The following NAV2 variants were observed in gnomAD, a reference collection of about 807,000 sequenced individuals.
The protein encoded by NAV2 is helicase, APC down-regulated 1.
Under a neutral mutation model 223.2 loss-of-function variants are expected in NAV2, and 54 were observed. The observed-to-expected ratio is 0.24, with a 90% CI of 0.19 to 0.30. The LOEUF (loss-of-function observed/expected upper bound fraction) is 0.30, where lower values mean the gene tolerates loss of function less well. Among genes scored for constraint, NAV2 ranks in the 10% least tolerant of loss-of-function variants. The pLI is 1.00. For synonymous variants in NAV2, 1,279 were observed against 1,239.3 expected (o/e 1.03, Z -0.67); for missense variants, 2,806 against 3,147.5 (o/e 0.89, Z 2.60).
intron 22 of NAV2, among the ~76,000 whole-genome samples, chr11:20,074,909 G>A (rs1373197120): frequency 6.6e-6 from 1 of 151,996 alleles, no homozygotes; most frequent in Non-Finnish European, 1.5e-5. Context: ...GTCAGTCTGT[G>A]TCTTTTGATT....
At chr11:20,044,477 C>T (rs78197370) in intron 13 of NAV2, among the ~76,000 whole-genome samples, 3,654 of 152,262 alleles carry the variant, frequency 0.024, 139 homozygotes, top group African/African-American at 0.075. Flanking sequence ...GAAGATGGTT[C>T]GGCTGCTGAG....
chr11:20,063,536 C>A (rs1016978720), intron 20 of NAV2, among the ~76,000 whole-genome samples: 1 of 152,070 alleles, frequency 6.6e-6, no homozygotes, highest in Non-Finnish European at 1.5e-5. Context: ...CCATGCCTGG[C>A]TAATTTTTTT....
At chr11:19,802,152 G>A (rs929636184) in intron 1 of NAV2, among the ~76,000 whole-genome samples, 26 of 152,110 alleles carry the variant, frequency 1.7e-4, no homozygotes, top group South Asian at 8.3e-4. Flanking sequence ...ACCAAACTGG[G>A]ACCAAAATTC....
rs189613756 is a variant in NAV2 at position 19,567,100 on chromosome 11, A to G, written c.75+216073A>G. Among the ~76,000 whole-genome samples the G allele has an allele frequency of 1.2e-4, 18 of 152,296 alleles. 1 individual carries two copies. In the East Asian group the frequency reaches 3.3e-3, roughly 28 times the overall value. Reference sequence around the variant, plus strand: ...CTGCAAAGTAAATATTTCTGTCTCCACCATGTTCCAGAATTTCCCTGCTGA... The same window carrying G: ...CTGCAAAGTAAATATTTCTGTCTCCGCCATGTTCCAGAATTTCCCTGCTGA... On this transcript the variant is annotated intron_variant, in intron 1 of 37. Coordinates refer to the NAV2 transcript ENST00000360655.
chr11:19,382,831 G>A (rs1848895219), intron 1 of NAV2, among the ~76,000 whole-genome samples: 1 of 152,178 alleles, frequency 6.6e-6, no homozygotes, highest in Non-Finnish European at 1.5e-5. Context: ...TGCATAGCTA[G>A]TACATGACAG....
chr11:19,485,643 A>T (rs2042418378), intron 1 of NAV2, among the ~76,000 whole-genome samples: 1 of 152,208 alleles, frequency 6.6e-6, no homozygotes. Flanking sequence ...AATGCCCATT[A>T]GGTTAAATTT....
At chr11:20,039,276 C>T (rs1342639385) in intron 12 of NAV2, among the ~76,000 whole-genome samples, 2 of 152,178 alleles carry the variant, frequency 1.3e-5, no homozygotes, top group Non-Finnish European at 1.5e-5. Flanking sequence ...TCATCCATAA[C>T]ATGGCACTAA....
chr11:20,107,014 C>G (rs73438593), intron 35 of NAV2, among the ~76,000 whole-genome samples: 2,617 of 142,774 alleles, frequency 0.018, 83 homozygotes, highest in African/African-American at 0.069. Context: ...CCCTCATTTG[C>G]TTAACTGTTT....
intron 11 of NAV2, among the ~76,000 whole-genome samples, chr11:20,007,711 A>G (rs1357048221): frequency 6.6e-6 from 1 of 152,164 alleles, no homozygotes; most frequent in Non-Finnish European, 1.5e-5. Flanking sequence ...ATTTTTCTCT[A>G]TCAAGCCTGG....
intron 1 of NAV2, among the ~76,000 whole-genome samples, chr11:19,662,553 T>C (rs2135739964): frequency 6.6e-6 from 1 of 152,384 alleles, no homozygotes; most frequent in African/African-American, 2.4e-5. Flanking sequence ...CCACGTGTTC[T>C]TCCATTCCTG....
At chr11:19,587,340 C>T (rs1374841577) in intron 1 of NAV2, among the ~76,000 whole-genome samples, 1 of 152,204 alleles carries the variant, frequency 6.6e-6, no homozygotes, top group South Asian at 2.1e-4. Context: ...TGAGGCGATG[C>T]CTTGCCCTGC....
At chr11:19,513,136 T>A (rs545971396) in intron 1 of NAV2, among the ~76,000 whole-genome samples, 27 of 152,190 alleles carry the variant, frequency 1.8e-4, no homozygotes, top group Admixed American at 1.7e-3. Context: ...ATAGAAAGGG[T>A]GAGACTTGCT....
chr11:19,883,723 A>G (rs762797594), intron 5 of NAV2, among the ~76,000 whole-genome samples: 24 of 152,244 alleles, frequency 1.6e-4, no homozygotes, highest in Admixed American at 7.2e-4. Flanking sequence ...AAGCCTAACT[A>G]AAATTCTTTA....
At chr11:19,610,735 T>C (rs2046615571) in intron 1 of NAV2, among the ~76,000 whole-genome samples, 1 of 151,636 alleles carries the variant, frequency 6.6e-6, no homozygotes, top group African/African-American at 2.4e-5. Context: ...AGTGGATGGA[T>C]GGATGGATGG....
chr11:19,424,688 A>T (rs1850753561), intron 1 of NAV2, among the ~76,000 whole-genome samples: 6 of 151,934 alleles, frequency 3.9e-5, no homozygotes. Flanking sequence ...ATCTGGGATT[A>T]TAGGTGCCTG....
In NAV2 at chr11:19,772,716, G is replaced by A. The variant is rs372905653; in HGVS notation, c.267+58754G>A. The stretch of plus-strand genomic sequence containing the variant: ...TGTAAAAGCTGACATCCCCCCATCA[G>A]CCTTGCCTCATGTGTGGGTGGAGAG... On this transcript the variant is annotated intron_variant, in intron 1 of 37. Transcript: ENST00000349880. 2.0e-4 allele frequency among the ~76,000 whole-genome samples: 31 copies of A among 152,278 alleles called. 1 individual carries two copies. In the East Asian group the frequency reaches 4.1e-3, roughly 20 times the overall value.
rs11267537 is a variant in NAV2 at position 20,106,175 on chromosome 11, A to ATATG, written c.6841+449_6841+450insATGT. Among the ~76,000 whole-genome samples, 66 of 35,828 alleles carry ATATG rather than the reference A, an allele frequency of 1.8e-3. 2 individuals are homozygous for ATATG. Among genetic ancestry groups the ATATG allele is most frequent in the African/African-American group, 4.3e-3 (43 of 10,098 alleles). The allele number at this position is 35,828 out of a possible 152,430, so 23.5% of individuals were successfully genotyped here. ...TGTGTGTATATATATATATATATAT[A>ATATG]TGTGTGTGTATATATATATATATAT... is the stretch of plus-strand genomic sequence containing the variant. On this transcript the variant is annotated intron_variant, in intron 35 of 37. Coordinates refer to ENST00000349880, the MANE Select transcript of NAV2 (RefSeq NM_145117.5).
At chr11:20,077,943 C>G in intron 23 of NAV2, 50 bp from the exon 24 acceptor site, 1 of 1,450,572 alleles carries the variant, frequency 6.9e-7, no homozygotes, top group Non-Finnish European at 9.6e-7. Context: ...TTCAGTTGAA[C>G]TCTGTACAGA....
chr11:19,360,321 A>G (rs1349437240), intron 1 of NAV2, among the ~76,000 whole-genome samples: 1 of 152,204 alleles, frequency 6.6e-6, no homozygotes, highest in Non-Finnish European at 1.5e-5. Context: ...CAGTTTAGCA[A>G]GAAGCCCCTA....
Sources: gnomAD v4.1 joint callset for allele counts (sites outside exome capture counted in the v4.1 genomes callset) on GRCh38, gnomAD v4.1.1 for gene constraint, MANE v1.5 for transcripts, NCBI Gene and HGNC (gene_info 2026-07-23, HGNC 2026-07-21) for gene names.